RPTOR: variants seen among roughly 807,000 people sequenced by gnomAD.
The protein encoded by RPTOR is regulatory-associated protein of mTOR.
Under a neutral mutation model 169.9 loss-of-function variants are expected in RPTOR, and 21 were observed. That is an observed-to-expected ratio of 0.12 (90% CI 0.09 to 0.18). RPTOR has a LOEUF of 0.18. RPTOR is among the 10% of genes least tolerant of loss of function. The pLI, the probability that RPTOR is intolerant of heterozygous loss-of-function variation, is 1.00. For synonymous variants in RPTOR, 732 were observed against 753.2 expected, an observed-to-expected ratio of 0.97 and a Z score of 0.46; for missense variants, 1,133 against 1,855.9, an observed-to-expected ratio of 0.61 and a Z score of 7.16.
intron 2 of RPTOR, among the ~76,000 whole-genome samples, chr17:80,630,469 T>C (rs2065433609): frequency 6.6e-6 from 1 of 152,196 alleles, no homozygotes; most frequent in South Asian, 2.1e-4. Context: ...TGTATAAGTA[T>C]GTATGTATGT....
chr17:80,891,871 C>T lies in RPTOR; in HGVS notation c.2101+34C>T, dbSNP rs2068328899. 2.7e-6 allele frequency: 4 copies of T among 1,484,478 alleles called. No homozygotes were observed. The South Asian group carries it at 3.4e-5, about 13-fold the overall frequency. The allele number at this position is 1,484,478 out of a possible 1,614,324, so 92.0% of individuals were successfully genotyped here. On this transcript the variant is annotated intron_variant, in intron 18 of 33. Coordinates refer to ENST00000306801, the MANE Select transcript of RPTOR (RefSeq NM_020761.3). ...TCTTCTCCTGTGAACCCGCAGAGCACCTCGCCTGGCGGTTCTAGTGCAGGC... is the reference window on the plus strand; with the variant it reads ...TCTTCTCCTGTGAACCCGCAGAGCATCTCGCCTGGCGGTTCTAGTGCAGGC...
At position 80,600,471 on chromosome 17, in the gene RPTOR, C is replaced by T. The variant is rs1378956885; in HGVS notation, c.163-25220C>T. ...ATCTGAGAAGGCGGAGCTGAGATCC[C>T]AGAAAACAAGCCCCAGGTACCAGGA... On this transcript the variant is annotated intron_variant, in intron 1 of 33. Transcript: ENST00000306801. Among the ~76,000 whole-genome samples the T allele has an allele frequency of 2.6e-5, 4 of 152,264 alleles. No homozygotes were observed. In the East Asian group the frequency reaches 7.7e-4, roughly 29 times the overall value.
At chr17:80,775,754 G>A (rs1031684499) in intron 6 of RPTOR, among the ~76,000 whole-genome samples, 1 of 152,036 alleles carries the variant, frequency 6.6e-6, no homozygotes, top group Non-Finnish European at 1.5e-5. Context: ...TATTATAACA[G>A]TAAACAATGA....
chr17:80,561,263 G>GTGTATATATATATATATATA (rs1297941814), intron 1 of RPTOR, among the ~76,000 whole-genome samples: 32 of 19,630 alleles, frequency 1.6e-3, no homozygotes, highest in African/African-American at 2.7e-3. Flanking sequence ...ATATATATAT[G>GTGTATATATATATATATATA]TATATATATA....
At chr17:80,862,357 C>A (rs372604285) in intron 13 of RPTOR, among the ~76,000 whole-genome samples, 2 of 152,110 alleles carry the variant, frequency 1.3e-5, no homozygotes, top group Admixed American at 6.5e-5. Flanking sequence ...GTTACCCTGG[C>A]GATAACTTCC....
intron 6 of RPTOR, among the ~76,000 whole-genome samples, chr17:80,788,500 C>G (rs990567074): frequency 1.3e-5 from 2 of 152,196 alleles, no homozygotes; most frequent in East Asian, 3.9e-4. Flanking sequence ...CATTGTCTTC[C>G]TGCATCCTGT....
rs1384910595 is a variant in RPTOR, at chr17:80,820,857, C to T, written c.891-1344C>T. Among the ~76,000 whole-genome samples, 4 of 152,236 alleles carry T rather than the reference C, an allele frequency of 2.6e-5. No individual in the cohort carries two copies. Among genetic ancestry groups the T allele is most frequent in the African/African-American group, 9.6e-5 (4 of 41,456 alleles). Reference sequence around the variant, plus strand: ...CAGCTAATGAAAGGGGCTTCTCCGTCATCCCCGTCCTGGCCAGCAGCCTGA... The same window carrying T: ...CAGCTAATGAAAGGGGCTTCTCCGTTATCCCCGTCCTGGCCAGCAGCCTGA... On this transcript the variant is annotated intron_variant, in intron 7 of 33. Coordinates refer to ENST00000306801, the MANE Select transcript of RPTOR (RefSeq NM_020761.3). The surrounding 1 kb of genome is among the most constrained non-coding windows in gnomAD (Gnocchi z 4.1).
intron 1 of RPTOR, among the ~76,000 whole-genome samples, chr17:80,595,471 C>T (rs575080821): frequency 1.3e-5 from 2 of 152,164 alleles, no homozygotes; most frequent in African/African-American, 2.4e-5. Context: ...TTTTCCCCCC[C>T]CTTAGATGGG....
chr17:80,839,407 A>G (rs1334437475), intron 10 of RPTOR, among the ~76,000 whole-genome samples: 1 of 152,168 alleles, frequency 6.6e-6, no homozygotes. Flanking sequence ...CCCACCACTT[A>G]CTTCTACCCC....
At chr17:80,661,594 T>C (rs188393092) in intron 3 of RPTOR, among the ~76,000 whole-genome samples, 61 of 152,300 alleles carry the variant, frequency 4.0e-4, no homozygotes, top group African/African-American at 1.3e-3. Context: ...CTGCTTTTTA[T>C]GTCCGCCGAT....
intron 3 of RPTOR, among the ~76,000 whole-genome samples, chr17:80,654,148 G>A (rs527959066): frequency 2.0e-4 from 30 of 152,232 alleles, no homozygotes; most frequent in Non-Finnish European, 2.8e-4. Flanking sequence ...ATCCAGTGCC[G>A]GGTGATGGTG....
chr17:80,748,768 GTGGA>G (rs2066603610), intron 5 of RPTOR, among the ~76,000 whole-genome samples: 1 of 55,680 alleles, frequency 1.8e-5, no homozygotes, highest in Non-Finnish European at 3.4e-5. Flanking sequence ...GACCTGTTGG[GTGGA>G]TGGAGGGGCT....
intron 1 of RPTOR, among the ~76,000 whole-genome samples, chr17:80,568,005 C>T (rs1457283508): frequency 6.6e-6 from 1 of 151,864 alleles, no homozygotes; most frequent in East Asian, 2.0e-4. Context: ...CTCCCGGGTT[C>T]AAGCAATTTT....
intron 20 of RPTOR, among the ~76,000 whole-genome samples, chr17:80,899,181 G>T (rs543044709): frequency 1.3e-5 from 2 of 152,220 alleles, no homozygotes; most frequent in Admixed American, 6.5e-5. Context: ...CCCAGAAAGC[G>T]CAGAGTTGAC....
At chr17:80,909,822 TTTGA>T (rs1454169386) in intron 21 of RPTOR, 1 of 152,232 alleles carries the variant, frequency 6.6e-6, no homozygotes, top group Admixed American at 6.5e-5. Flanking sequence ...CCATTTTCCA[TTTGA>T]TTGATTGAGC....
intron 3 of RPTOR, among the ~76,000 whole-genome samples, chr17:80,699,199 A>T (rs1010089034): frequency 1.3e-5 from 2 of 152,230 alleles, no homozygotes; most frequent in African/African-American, 4.8e-5. Context: ...GGCTGTGTAA[A>T]CTCCAATAGG....
intron 6 of RPTOR, among the ~76,000 whole-genome samples, chr17:80,771,131 C>T (rs2066839006): frequency 6.6e-6 from 1 of 152,216 alleles, no homozygotes; most frequent in Non-Finnish European, 1.5e-5. Flanking sequence ...ACCTCCTTCC[C>T]TGCCCTGGGG....
chr17:80,694,245 G>T (rs1598229012), intron 3 of RPTOR, among the ~76,000 whole-genome samples: 1 of 152,242 alleles, frequency 6.6e-6, no homozygotes, highest in South Asian at 2.1e-4. Context: ...CCCTGACACA[G>T]CTGGTGACCT....
At chr17:80,679,288 AAAAG>A (rs889901899) in intron 3 of RPTOR, among the ~76,000 whole-genome samples, 1 of 152,302 alleles carries the variant, frequency 6.6e-6, no homozygotes, top group Middle Eastern at 3.4e-3. Flanking sequence ...CAAAAACAAA[AAAAG>A]AAAGGCAGGT....
Sources: gnomAD v4.1 joint callset for allele counts (sites outside exome capture counted in the v4.1 genomes callset) on GRCh38, gnomAD v4.1.1 for gene constraint, Gnocchi (gnomAD v3.1) non-coding constraint, MANE v1.5 for transcripts, NCBI Gene and HGNC (gene_info 2026-07-23, HGNC 2026-07-21) for gene names.